Variants in ZNF804A observed in about 807,000 individuals in gnomAD.
The protein encoded by ZNF804A is zinc finger protein 804A.
In ZNF804A, 2 loss-of-function variants were observed where a neutral mutation model predicts 16.5. The observed-to-expected ratio is 0.12, with a 90% CI of 0.05 to 0.38. The LOEUF (loss-of-function observed/expected upper bound fraction) is 0.38, where lower values mean the gene tolerates loss of function less well. ZNF804A is among the 10% of genes least tolerant of loss of function. The pLI, the probability that ZNF804A is intolerant of heterozygous loss-of-function variation, is 0.99. For missense variants in ZNF804A, 1,473 were observed against 1,390.7 expected (o/e 1.06, Z -0.94); for synonymous variants, 534 against 489.6 (o/e 1.09, Z -1.20).
chr2:184,858,386 T>C (rs977354224), intron 1 of ZNF804A, among the ~76,000 whole-genome samples: 4 of 151,374 alleles, frequency 2.6e-5, no homozygotes, highest in Non-Finnish European at 5.9e-5. Context: ...CATCTGTAAT[T>C]CCAGGCACTC....
At chr2:184,813,967 C>G (rs1286618647) in intron 1 of ZNF804A, among the ~76,000 whole-genome samples, 1 of 109,706 alleles carries the variant, frequency 9.1e-6, no homozygotes, top group East Asian at 3.1e-4. Context: ...TTACTATATA[C>G]TTTAGGGCAT....
At chr2:184,700,749 A>G (rs989884125) in intron 1 of ZNF804A, among the ~76,000 whole-genome samples, 3 of 152,028 alleles carry the variant, frequency 2.0e-5, no homozygotes, top group Non-Finnish European at 4.4e-5. Context: ...GATAGAGGCC[A>G]TTGTTATCTA....
intron 2 of ZNF804A, among the ~76,000 whole-genome samples, chr2:184,928,114 G>A (rs1335417979): frequency 6.6e-6 from 1 of 152,054 alleles, no homozygotes; most frequent in Non-Finnish European, 1.5e-5. Context: ...AAGTCACAGA[G>A]TCTCACACGA....
chr2:184,894,338 C>T (rs1461519540), intron 2 of ZNF804A, among the ~76,000 whole-genome samples: 2 of 151,954 alleles, frequency 1.3e-5, no homozygotes, highest in Non-Finnish European at 2.9e-5. Flanking sequence ...AATTTAAATG[C>T]TACATGAAAT....
chr2:184,861,042 T>C (rs1695792647), intron 1 of ZNF804A, among the ~76,000 whole-genome samples: 1 of 152,178 alleles, frequency 6.6e-6, no homozygotes. Context: ...GCCTGGAGCC[T>C]AGGGCTATAG....
chr2:184,823,998 A>G (rs572257317), intron 1 of ZNF804A, among the ~76,000 whole-genome samples: 1 of 152,234 alleles, frequency 6.6e-6, no homozygotes, highest in Admixed American at 6.5e-5. Context: ...TTAATAGTAA[A>G]TGTTTCTTTA....
chr2:184,833,889 A>C lies in ZNF804A; in HGVS notation c.112-32480A>C, dbSNP rs1157667498. 2.0e-5 allele frequency among the ~76,000 whole-genome samples: 3 copies of C among 152,092 alleles called. No individual in the cohort carries two copies. The East Asian group carries it at 5.8e-4, about 29-fold the overall frequency. The stretch of plus-strand genomic sequence containing the variant: ...ACAGAACTTAGAGTATAAAAAAATT[A>C]TTTTAAAAATGTGGCAGTTGACAAT... On this transcript the variant is annotated intron_variant, in intron 1 of 3. Transcript: ENST00000302277.
chr2:184,933,810 G>T, intron 3 of ZNF804A, 77 bp downstream of exon 3: 1 of 1,432,362 alleles, frequency 7.0e-7, no homozygotes, highest in Non-Finnish European at 9.4e-7. Context: ...GAAATAAAGG[G>T]CACAAATCTA....
intron 1 of ZNF804A, among the ~76,000 whole-genome samples, chr2:184,767,289 A>C (rs1694142965): frequency 6.6e-6 from 1 of 152,184 alleles, no homozygotes; most frequent in Non-Finnish European, 1.5e-5. Flanking sequence ...GAAATTCTGA[A>C]ACATTCTACA....
At chr2:184,680,665 A>T (rs1348280371) in intron 1 of ZNF804A, among the ~76,000 whole-genome samples, 2 of 152,264 alleles carry the variant, frequency 1.3e-5, no homozygotes, top group African/African-American at 2.4e-5. Flanking sequence ...TGTCTTGCTC[A>T]ACCTTTACTT....
chr2:184,750,060 G>C (rs1693855857), intron 1 of ZNF804A, among the ~76,000 whole-genome samples: 1 of 151,334 alleles, frequency 6.6e-6, no homozygotes. Flanking sequence ...TATTACTGAA[G>C]TTACATCGAG....
At chr2:184,759,800 G>C (rs1010270975) in intron 1 of ZNF804A, among the ~76,000 whole-genome samples, 1 of 151,936 alleles carries the variant, frequency 6.6e-6, no homozygotes, top group East Asian at 2.0e-4. Context: ...GGCTCAAAAA[G>C]CTCCCCCACT....
chr2:184,902,668 A>T (rs1685205527), intron 2 of ZNF804A: 1 of 151,968 alleles, frequency 6.6e-6, no homozygotes, highest in Non-Finnish European at 1.5e-5. Context: ...ATTTTTAAAG[A>T]GTATTTCTGG....
chr2:184,623,828 A>G (rs1401635807), intron 1 of ZNF804A, among the ~76,000 whole-genome samples: 1 of 152,186 alleles, frequency 6.6e-6, no homozygotes, highest in Non-Finnish European at 1.5e-5. Context: ...AAAACTATTA[A>G]TGAAGTTCGT....
intron 1 of ZNF804A, among the ~76,000 whole-genome samples, chr2:184,710,285 T>G (rs1186084778): frequency 6.6e-6 from 1 of 151,676 alleles, no homozygotes; most frequent in Non-Finnish European, 1.5e-5. Context: ...ATATACCTTG[T>G]GCCCCTTTAC....
intron 1 of ZNF804A, among the ~76,000 whole-genome samples, chr2:184,858,201 C>T (rs1482180227): frequency 1.3e-5 from 2 of 151,864 alleles, no homozygotes; most frequent in Non-Finnish European, 2.9e-5. Flanking sequence ...TAAGAGGCTG[C>T]ATTAAAATAA....
intron 1 of ZNF804A, among the ~76,000 whole-genome samples, chr2:184,833,746 A>T (rs570780089): frequency 8.5e-5 from 13 of 152,190 alleles, no homozygotes; most frequent in Admixed American, 4.6e-4. Flanking sequence ...GAGGCACAAG[A>T]TGCCACTTTG....
At chr2:184,737,862 G>A (rs1369834911) in intron 1 of ZNF804A, among the ~76,000 whole-genome samples, 2 of 152,022 alleles carry the variant, frequency 1.3e-5, no homozygotes, top group East Asian at 1.9e-4. Flanking sequence ...AGTGGCTTAC[G>A]CTTATAATCC....
At position 184,636,384 on chromosome 2, in the gene ZNF804A, C is replaced by CT. The variant is rs1047036971; in HGVS notation, c.111+37316dup. On this transcript the variant is annotated intron_variant, in intron 1 of 3. Transcript: ENST00000302277. Reference sequence around the variant, plus strand: ...GTTTTTTCTGTCTCTCAACTAGGTGCTTGGGCTAGGACAAAGCATTGTGAG... The same window carrying CT: ...GTTTTTTCTGTCTCTCAACTAGGTGCTTTGGGCTAGGACAAAGCATTGTGAG... Among the ~76,000 whole-genome samples the CT allele has an allele frequency of 2.9e-5, 4 of 136,136 alleles. No homozygotes were observed. The Admixed American group carries it at 3.0e-4, about 10-fold the overall frequency. The allele number at this position is 136,136 out of a possible 152,430, so 89.3% of individuals were successfully genotyped here.
Sources: allele counts gnomAD v4.1 joint callset (sites outside exome capture counted in the v4.1 genomes callset), GRCh38; gene constraint gnomAD v4.1.1; transcripts MANE v1.5; gene names NCBI Gene and HGNC (gene_info 2026-07-23, HGNC 2026-07-21).